The following LINGO2 variants were observed in gnomAD, a reference collection of about 807,000 sequenced individuals.
The protein encoded by LINGO2 is leucine rich repeat and Ig domain containing 2.
A neutral mutation model predicts 30.6 loss-of-function variants in LINGO2; 14 were observed. The ratio of observed to expected loss-of-function variants is 0.46; its 90% confidence interval spans 0.30 to 0.72. The LOEUF is 0.72. Among genes scored for constraint, LINGO2 ranks in the 30% least tolerant of loss-of-function variants. The pLI is 0.07. For missense variants in LINGO2, 729 were observed against 751.7 expected (o/e 0.97, Z 0.35); for synonymous variants, 317 against 288.5 (o/e 1.10, Z -1.00).
the LINGO2 span, among the ~76,000 whole-genome samples, chr9:28,773,523 G>A: frequency 6.6e-5 from 10 of 152,182 alleles, no homozygotes; most frequent in South Asian, 8.3e-4. Context: ...GTGCTGAAAC[G>A]TCAACATTTC....
At chr9:28,675,069 C>A (rs913386543), upstream of LINGO2, among the ~76,000 whole-genome samples, 1 of 152,032 alleles carries the variant, frequency 6.6e-6, no homozygotes, top group South Asian at 2.1e-4. Flanking sequence ...AAATAAAACG[C>A]CTACTATGTA....
rs1824890098 is a variant in LINGO2 at position 28,055,554 on chromosome 9, G to C, written c.-86-43149C>G. Among the ~76,000 whole-genome samples, 4 of 152,240 alleles carry C rather than the reference G, an allele frequency of 2.6e-5. No individual in the cohort carries two copies. In the South Asian group the frequency reaches 8.3e-4, roughly 32 times the overall value. The stretch of plus-strand genomic sequence containing the variant: ...TGGCTGTGACTTCCACTTTGAATTG[G>C]AATTCTTCGTTCGAAGTGTAAGGCT... On this transcript the variant is annotated intron_variant, in intron 4 of 5. Transcript: ENST00000379992.
At chr9:28,629,617 A>C (rs1826842468) in intron 1 of LINGO2, among the ~76,000 whole-genome samples, 1 of 152,108 alleles carries the variant, frequency 6.6e-6, no homozygotes. Flanking sequence ...TCAAGCACAG[A>C]GCCCACATCT....
chr9:28,097,039 GA>G (rs548119507), intron 4 of LINGO2, among the ~76,000 whole-genome samples: 51 of 148,106 alleles, frequency 3.4e-4, no homozygotes, highest in African/African-American at 1.0e-3. Flanking sequence ...AAACAAAATT[GA>G]AAAAAAAAGA....
At chr9:28,517,916 G>A (rs1467657645) in intron 1 of LINGO2, among the ~76,000 whole-genome samples, 3 of 152,074 alleles carry the variant, frequency 2.0e-5, no homozygotes, top group Admixed American at 6.6e-5. Flanking sequence ...CTTCAGGGGC[G>A]GAATTTTTAA....
chr9:28,727,892 A>G, the LINGO2 span, among the ~76,000 whole-genome samples: 1 of 152,192 alleles, frequency 6.6e-6, no homozygotes, highest in Non-Finnish European at 1.5e-5. Flanking sequence ...AGAGGCAGAC[A>G]GATACAGAGG....
chr9:29,024,498 A>G, the LINGO2 span, among the ~76,000 whole-genome samples: 1 of 152,108 alleles, frequency 6.6e-6, no homozygotes, highest in Non-Finnish European at 1.5e-5. Context: ...AGTTACTGCT[A>G]ATTTGACTAT....
intron 4 of LINGO2, among the ~76,000 whole-genome samples, chr9:28,269,771 A>G (rs1031950333): frequency 6.6e-6 from 1 of 152,090 alleles, no homozygotes; most frequent in African/African-American, 2.4e-5. Context: ...CATTCATCCA[A>G]CCATTCATGA....
chr9:28,876,279 T>A, the LINGO2 span, among the ~76,000 whole-genome samples: 3 of 152,280 alleles, frequency 2.0e-5, no homozygotes, highest in South Asian at 2.1e-4. Flanking sequence ...CTTTAAGTTT[T>A]ACGGTACATG....
intron 1 of LINGO2, among the ~76,000 whole-genome samples, chr9:28,604,207 T>C (rs1587945838): frequency 6.6e-6 from 1 of 151,988 alleles, no homozygotes; most frequent in African/African-American, 2.4e-5. Flanking sequence ...CAGTTCAAAA[T>C]GCATACCCAG....
At chr9:28,535,047 G>A (rs1821372610) in intron 1 of LINGO2, among the ~76,000 whole-genome samples, 2 of 151,996 alleles carry the variant, frequency 1.3e-5, no homozygotes, top group Admixed American at 1.3e-4. Context: ...TTTGACCCCG[G>A]AATTCTTCTC....
chr9:28,447,866 A>G (rs1824490935), intron 2 of LINGO2, among the ~76,000 whole-genome samples: 1 of 152,162 alleles, frequency 6.6e-6, no homozygotes. Flanking sequence ...TTAAATAAGA[A>G]CACATATTGA....
At chr9:29,120,777 T>C in the LINGO2 span, among the ~76,000 whole-genome samples, 1 of 152,160 alleles carries the variant, frequency 6.6e-6, no homozygotes, top group Non-Finnish European at 1.5e-5. Context: ...TAAAACTTAT[T>C]ATGTGTGCAA....
intron 1 of LINGO2, among the ~76,000 whole-genome samples, chr9:28,516,119 T>G (rs948560326): frequency 2.6e-5 from 4 of 152,240 alleles, no homozygotes; most frequent in Admixed American, 6.5e-5. Context: ...ATAATGTTAT[T>G]GCCCATTTAA....
chr9:28,404,233 T>C (rs1165359252), intron 2 of LINGO2, among the ~76,000 whole-genome samples: 1 of 152,160 alleles, frequency 6.6e-6, no homozygotes, highest in Non-Finnish European at 1.5e-5. Context: ...TAAGTAAGCT[T>C]TCTTTCATTG....
chr9:28,941,362 C>A, the LINGO2 span, among the ~76,000 whole-genome samples: 1 of 152,004 alleles, frequency 6.6e-6, no homozygotes, highest in African/African-American at 2.4e-5. Context: ...ACAAACGATA[C>A]CCTATTCCTT....
At chr9:28,516,301 T>A (rs1805459327) in intron 1 of LINGO2, among the ~76,000 whole-genome samples, 1 of 152,168 alleles carries the variant, frequency 6.6e-6, no homozygotes. Context: ...ATAGGTAGGA[T>A]CATTTCAAAA....
At chr9:28,536,729 G>T (rs1248101551) in intron 1 of LINGO2, among the ~76,000 whole-genome samples, 1 of 152,058 alleles carries the variant, frequency 6.6e-6, no homozygotes, top group Non-Finnish European at 1.5e-5. Context: ...AATCTGAACA[G>T]ACCATATACC....
chr9:28,760,292 T>G, the LINGO2 span, among the ~76,000 whole-genome samples: 2 of 152,018 alleles, frequency 1.3e-5, no homozygotes, highest in African/African-American at 4.8e-5. Flanking sequence ...AAGTGGAGGC[T>G]TCTAAATAGG....
Sources: allele counts gnomAD v4.1 joint callset (sites outside exome capture counted in the v4.1 genomes callset), GRCh38; gene constraint gnomAD v4.1.1; transcripts MANE v1.5; gene names NCBI Gene and HGNC (gene_info 2026-07-23, HGNC 2026-07-21).